The following C2CD4B variants were observed in gnomAD, a reference collection of about 807,000 sequenced individuals.
C2CD4B encodes the protein C2 calcium-dependent domain-containing protein 4B.
For missense variants in C2CD4B, 644 were observed against 577.7 expected (o/e 1.11, Z -1.18); for synonymous variants, 347 against 284.9 (o/e 1.22, Z -2.20).
chr15:62,163,774 T>A lies in C2CD4B; in HGVS notation c.*116A>T. 7.7e-7 allele frequency: 1 copy of A among 1,293,050 alleles called. No homozygotes were observed. Among genetic ancestry groups the A allele is most frequent in the Non-Finnish European group, 9.9e-7 (1 of 1,007,432 alleles). 80.1% of individuals were successfully genotyped at this position (1,293,050 alleles called of 1,614,324 possible). A position where few individuals can be genotyped will look rare whatever the true frequency, so the allele number is the denominator to read the frequency against. ...ATGACAAATGTGGATGGTGAGGAAGTAAAACGTCAATAAAGCAGTATCATA... is the reference window on the plus strand; with the variant it reads ...ATGACAAATGTGGATGGTGAGGAAGAAAAACGTCAATAAAGCAGTATCATA... On this transcript the variant is annotated 3_prime_UTR_variant, in exon 2 of 2. Coordinates refer to ENST00000380392, the MANE Select transcript of C2CD4B (RefSeq NM_001007595.3).
intron 1 of C2CD4B, 35 bp from the exon 2 acceptor site, chr15:62,165,059 TG>T: frequency 1.4e-6 from 2 of 1,429,598 alleles, no homozygotes; most frequent in Non-Finnish European, 1.8e-6. Context: ...TTTGGGCGCC[TG>T]GAGCTGCTGC....
Position 62,164,260 on chromosome 15 carries a change from G to A in C2CD4B, c.725C>T (p.Thr242Ile). The A allele has an allele frequency of 6.9e-7, 1 of 1,441,234 alleles. No homozygotes were observed. The highest frequency in any genetic ancestry group is 1.4e-5 in the South Asian group (1 of 71,910). The allele number at this position is 1,441,234 out of a possible 1,614,324, so 89.3% of individuals were successfully genotyped here. Reference sequence around the variant, plus strand: ...GTCGCCGGCGCGGCCCAGAGCCACGGTGCCCTTGGCCTCCAGGCGCTCAGG... The same window carrying A: ...GTCGCCGGCGCGGCCCAGAGCCACGATGCCCTTGGCCTCCAGGCGCTCAGG... ...PLPERLEAKG[T>I]VALGRAGDAL... Residue 242 changes from threonine to isoleucine, a missense_variant, in exon 2 of 2, where the codon ACC (threonine) becomes ATC (isoleucine). Physicochemically the swap from Thr to Ile is moderately conservative, Grantham distance 89. Transcript: ENST00000380392.
rs1385339917 is a variant in C2CD4B, at chr15:62,164,538, C to T, written c.447G>A (p.Pro149=). 4.6e-5 allele frequency: 53 copies of T among 1,142,758 alleles called. No individual in the cohort carries two copies. Among genetic ancestry groups the T allele is most frequent in the Admixed American group, 9.7e-5 (2 of 20,570 alleles). The allele number at this position is 1,142,758 out of a possible 1,614,324, so 70.8% of individuals were successfully genotyped here. A position where few individuals can be genotyped will look rare whatever the true frequency, so the allele number is the denominator to read the frequency against. The change falls in exon 2 of 2, where the codon CCG becomes CCA. Residue 149 remains proline, a synonymous_variant. Transcript: ENST00000380392. Reference sequence around the variant, plus strand: ...CGGGGGCCGCGGGGGTGGCCGGGCCCGGACCTCGCGGGCCGCACAGGGTCC... The same window carrying T: ...CGGGGGCCGCGGGGGTGGCCGGGCCTGGACCTCGCGGGCCGCACAGGGTCC... ...PLGTLCGPRG[P]GPATPAAPGG...
In C2CD4B at chr15:62,164,852, G is replaced by T. The variant is rs780140786; in HGVS notation, c.133C>A (p.Leu45Ile). The change falls in exon 2 of 2, where the codon CTC becomes ATC. Residue 45 changes from leucine (L) to isoleucine (I), a missense_variant. By Grantham distance (5) the Leu-to-Ile change is conservative (BLOSUM62 2). Transcript: ENST00000380392. ...IPPRLPAPCT[L>I]ESPIRAAAVP... Reference sequence around the variant, plus strand: ...GCGGCGGCCCGGATTGGAGACTCGAGCGTGCAAGGGGCCGGCAGCCGCGGC... The same window carrying T: ...GCGGCGGCCCGGATTGGAGACTCGATCGTGCAAGGGGCCGGCAGCCGCGGC... 3.4e-5 allele frequency: 50 copies of T among 1,487,942 alleles called. No individual in the cohort carries two copies. The highest frequency in any genetic ancestry group is 4.3e-5 in the Non-Finnish European group (48 of 1,125,404). 92.2% of individuals were successfully genotyped at this position (1,487,942 alleles called of 1,614,324 possible). A position where few individuals can be genotyped will look rare whatever the true frequency, so the allele number is the denominator to read the frequency against.
chr15:62,164,930 G>T lies in C2CD4B; in HGVS notation c.55C>A (p.Pro19Thr). Residue 19 changes from proline (P) to threonine (T), a missense_variant, in exon 2 of 2, where the codon CCC becomes ACC. By Grantham distance (38) the Pro-to-Thr change is conservative. Coordinates refer to ENST00000380392, the MANE Select transcript of C2CD4B (RefSeq NM_001007595.3). ...SSAAGSSAPK[P>T]AFAKVLTPNR... The stretch of plus-strand genomic sequence containing the variant: ...GGCGTGAGCACTTTGGCGAAGGCGG[G>T]CTTCGGCGCGGAGCTGCCTGCGGCC... 1 of 1,536,122 alleles carries T rather than the reference G, an allele frequency of 6.5e-7. No homozygotes were observed.
rs929163771 is a variant in C2CD4B, at chr15:62,164,757, C to T, written c.228G>A (p.Thr76=). ...CTGCCTGCGAGCGCGGGTCCCAGTC[C>T]GTGCGGCCGGCGTCCTCGTCTGCCG... ...PRAADEDAGR[T]DWDPRSQAAL... Residue 76 remains threonine (T), a synonymous_variant, in exon 2 of 2, where the codon ACG becomes ACA. Coordinates refer to ENST00000380392, the MANE Select transcript of C2CD4B (RefSeq NM_001007595.3). The T allele has an allele frequency of 4.7e-6, 7 of 1,485,474 alleles. No homozygotes were observed. Among genetic ancestry groups the T allele is most frequent in the Non-Finnish European group, 6.2e-6 (7 of 1,128,170 alleles). 92.0% of individuals were successfully genotyped at this position (1,485,474 alleles called of 1,614,324 possible).
Position 62,164,477 on chromosome 15 carries a change from C to G in C2CD4B, c.508G>C (p.Gly170Arg), listed in dbSNP as rs951674313. The G allele has an allele frequency of 1.2e-4, 155 of 1,264,062 alleles. No individual in the cohort carries two copies. The highest frequency in any genetic ancestry group is 7.2e-4 in the African/African-American group (46 of 63,904). The allele number at this position is 1,264,062 out of a possible 1,614,324, so 78.3% of individuals were successfully genotyped here. The change falls in exon 2 of 2, where the codon GGG becomes CGG. Residue 170 changes from glycine (G) to arginine (R), a missense_variant. Transcript: ENST00000380392. The stretch of plus-strand genomic sequence containing the variant: ...CGCAGGAGGCGGCAGCGGCGGGGCC[C>G]CGCAGCGAGCGCGTCCTGGGGCAGG... ...PRLPQDALAA[G>R]PRRCRLLRVP... is the part of the protein sequence containing the mutation.
chr15:62,164,402 G>A lies in C2CD4B; in HGVS notation c.583C>T (p.Arg195Cys), dbSNP rs1424474962. The A allele has an allele frequency of 5.6e-6, 8 of 1,417,852 alleles. No homozygotes were observed. In the African/African-American group the frequency reaches 1.0e-4, roughly 19 times the overall value. 87.8% of individuals were successfully genotyped at this position (1,417,852 alleles called of 1,614,324 possible). A position where few individuals can be genotyped will look rare whatever the true frequency, so the allele number is the denominator to read the frequency against. Residue 195 changes from arginine to cysteine, a missense_variant, in exon 2 of 2, where the codon CGC becomes TGC. Arg to Cys is a radical substitution (Grantham distance 180). Transcript: ENST00000380392. ...SRALRAGRSR[R>C]LARVRSVSSG... Reference sequence around the variant, plus strand: ...GAGACGGAGCGGACGCGGGCCAGGCGGCGACTCCTTCCAGCCCGCAGCGCG... The same window carrying A: ...GAGACGGAGCGGACGCGGGCCAGGCAGCGACTCCTTCCAGCCCGCAGCGCG...
rs772289303 is a variant in C2CD4B, at chr15:62,164,440, C to T, written c.545G>A (p.Gly182Glu). 6.0e-6 allele frequency: 8 copies of T among 1,328,946 alleles called. No homozygotes were observed. In the South Asian group the frequency reaches 1.7e-4, roughly 28 times the overall value. The allele number at this position is 1,328,946 out of a possible 1,614,324, so 82.3% of individuals were successfully genotyped here. The change falls in exon 2 of 2, where the codon GGG becomes GAG. Residue 182 changes from glycine to glutamate, a missense_variant. By Grantham distance (98) the Gly-to-Glu change is moderately conservative (BLOSUM62 -2). Transcript: ENST00000380392. ...RRCRLLRVPDGLLSRALRAGR... is the reference protein window; with the variant it reads ...RRCRLLRVPDELLSRALRAGR... ...AGCCCGCAGCGCGCGACTCAGCAGC[C>T]CGTCGGGGACGCGCAGGAGGCGGCA...
Position 62,164,640 on chromosome 15 carries a change from G to A in C2CD4B, c.345C>T (p.Leu115=). The A allele has an allele frequency of 7.1e-7, 1 of 1,410,060 alleles. No individual in the cohort carries two copies. Among genetic ancestry groups the A allele is most frequent in the Non-Finnish European group, 9.2e-7 (1 of 1,083,580 alleles). 87.3% of individuals were successfully genotyped at this position (1,410,060 alleles called of 1,614,324 possible). ...ESPHTRRKES[L]LLGGPPAPRP... The stretch of plus-strand genomic sequence containing the variant: ...GGGGCGCGGGCGGGCCCCCGAGCAG[G>A]AGCGACTCCTTGCGGCGCGTGTGCG... The change falls in exon 2 of 2, where the codon CTC becomes CTT. Residue 115 remains leucine (L), a synonymous_variant. Coordinates refer to ENST00000380392, the MANE Select transcript of C2CD4B (RefSeq NM_001007595.3).
chr15:62,163,593 G>A lies in C2CD4B; in HGVS notation c.*297C>T, dbSNP rs973859161. 3 of 357,352 alleles carry A rather than the reference G, an allele frequency of 8.4e-6. No individual in the cohort carries two copies. Among genetic ancestry groups the A allele is most frequent in the Admixed American group, 4.7e-5 (1 of 21,430 alleles). 22.1% of individuals were successfully genotyped at this position (357,352 alleles called of 1,614,324 possible). On this transcript the variant is annotated 3_prime_UTR_variant, in exon 2 of 2. Coordinates refer to ENST00000380392, the MANE Select transcript of C2CD4B (RefSeq NM_001007595.3). ...CTGTAACATTGATAGAAAACCGGAA[G>A]GAATTAAAAACAATGCAGATGGGTG...
rs1163437321 is a variant in C2CD4B, at chr15:62,163,917, C to G, written c.1068G>C (p.Leu356=). ...AGAGCAGCAGGAGGGCGCCCAGGGA[C>G]AGCTCACCCTGGCCCAGCAGGCGGC... ...DRGRLLGQGE[L]SLGALLLL Residue 356 remains leucine (L), a synonymous_variant, in exon 2 of 2, where the codon CTG becomes CTC. Coordinates refer to ENST00000380392, the MANE Select transcript of C2CD4B (RefSeq NM_001007595.3). 15 of 1,538,220 alleles carry G rather than the reference C, an allele frequency of 9.8e-6. No homozygotes were observed. The highest frequency in any genetic ancestry group is 1.3e-5 in the Non-Finnish European group (15 of 1,147,294).
Position 62,165,030 on chromosome 15 carries a change from G to A in C2CD4B, c.-40-6C>T, listed in dbSNP as rs1168137133. On this transcript the variant is annotated splice_region_variant and splice_polypyrimidine_tract_variant and intron_variant, in intron 1 of 1. Transcript: ENST00000380392. Reference sequence around the variant, plus strand: ...AGTGGCGGGAAGAGGTGCGCCTGCGGGGGAGAGAAGCTGCTGAGTTTGGGC... The same window carrying A: ...AGTGGCGGGAAGAGGTGCGCCTGCGAGGGAGAGAAGCTGCTGAGTTTGGGC... 6 of 1,464,844 alleles carry A rather than the reference G, an allele frequency of 4.1e-6. No individual in the cohort carries two copies. In the South Asian group the frequency reaches 5.4e-5, roughly 13 times the overall value. 90.7% of individuals were successfully genotyped at this position (1,464,844 alleles called of 1,614,324 possible). A position where few individuals can be genotyped will look rare whatever the true frequency, so the allele number is the denominator to read the frequency against.
rs1168137133 is a variant in C2CD4B at position 62,165,030 on chromosome 15, G to C, written c.-40-6C>G. ...AGTGGCGGGAAGAGGTGCGCCTGCGGGGGAGAGAAGCTGCTGAGTTTGGGC... is the reference window on the plus strand; with the variant it reads ...AGTGGCGGGAAGAGGTGCGCCTGCGCGGGAGAGAAGCTGCTGAGTTTGGGC... On this transcript the variant is annotated splice_region_variant and splice_polypyrimidine_tract_variant and intron_variant, in intron 1 of 1. Transcript: ENST00000380392. 1.4e-6 allele frequency: 2 copies of C among 1,464,844 alleles called. No individual in the cohort carries two copies. Among genetic ancestry groups the C allele is most frequent in the Non-Finnish European group, 1.8e-6 (2 of 1,111,912 alleles). 90.7% of individuals were successfully genotyped at this position (1,464,844 alleles called of 1,614,324 possible).
In C2CD4B at chr15:62,164,895, G is replaced by A; in HGVS notation, c.90C>T (p.Ile30=). ...GCCGCGGCGGGATGCAGAATTCGGG[G>A]ATGCGATTCGGCGTGAGCACTTTGG... ...AFAKVLTPNR[I]PEFCIPPRLP... Residue 30 remains isoleucine, a synonymous_variant, in exon 2 of 2, where the codon ATC becomes ATT. Coordinates refer to ENST00000380392, the MANE Select transcript of C2CD4B (RefSeq NM_001007595.3). 1 of 1,529,810 alleles carries A rather than the reference G, an allele frequency of 6.5e-7. No individual in the cohort carries two copies. Among genetic ancestry groups the A allele is most frequent in the Non-Finnish European group, 8.8e-7 (1 of 1,142,658 alleles). The allele number at this position is 1,529,810 out of a possible 1,614,324, so 94.8% of individuals were successfully genotyped here. A position where few individuals can be genotyped will look rare whatever the true frequency, so the allele number is the denominator to read the frequency against.
At position 62,164,761 on chromosome 15, in the gene C2CD4B, C is replaced by T. The variant is rs1259603687; in HGVS notation, c.224G>A (p.Arg75His). The stretch of plus-strand genomic sequence containing the variant: ...CTGCGAGCGCGGGTCCCAGTCCGTG[C>T]GGCCGGCGTCCTCGTCTGCCGCGCG... Reference protein sequence around the residue: ...WPRAADEDAGRTDWDPRSQAA... With the variant: ...WPRAADEDAGHTDWDPRSQAA... The change falls in exon 2 of 2, where the codon CGC (arginine) becomes CAC (histidine). Residue 75 changes from arginine to histidine, a missense_variant. Transcript: ENST00000380392. 5 of 1,483,700 alleles carry T rather than the reference C, an allele frequency of 3.4e-6. No homozygotes were observed. In the African/African-American group the frequency reaches 7.3e-5, roughly 22 times the overall value. 91.9% of individuals were successfully genotyped at this position (1,483,700 alleles called of 1,614,324 possible).
rs747939201 is a variant in C2CD4B, at chr15:62,164,933, T to G, written c.52A>C (p.Lys18Gln). ...GTGAGCACTTTGGCGAAGGCGGGCT[T>G]CGGCGCGGAGCTGCCTGCGGCCGAG... ...CSSAAGSSAP[K>Q]PAFAKVLTPN... The change falls in exon 2 of 2, where the codon AAG becomes CAG. Residue 18 changes from lysine (K) to glutamine (Q), a missense_variant. Lys to Gln is a moderately conservative substitution (Grantham distance 53). Coordinates refer to ENST00000380392, the MANE Select transcript of C2CD4B (RefSeq NM_001007595.3). The G allele has an allele frequency of 1.3e-6, 2 of 1,535,980 alleles. No homozygotes were observed. Among genetic ancestry groups the G allele is most frequent in the South Asian group, 2.4e-5 (2 of 83,790 alleles).
Position 62,163,861 on chromosome 15 carries a change from G to A in C2CD4B, c.*29C>T. The A allele has an allele frequency of 1.4e-6, 2 of 1,458,796 alleles. No individual in the cohort carries two copies. Among genetic ancestry groups the A allele is most frequent in the East Asian group, 2.7e-5 (1 of 37,706 alleles). The allele number at this position is 1,458,796 out of a possible 1,614,324, so 90.4% of individuals were successfully genotyped here. A position where few individuals can be genotyped will look rare whatever the true frequency, so the allele number is the denominator to read the frequency against. On this transcript the variant is annotated 3_prime_UTR_variant, in exon 2 of 2. Transcript: ENST00000380392. ...GGCTGTCAGTGTCCGGAGTCTCCAG[G>A]GCAGAGCGCCCCGGGGAGGGCTGGG...
Position 62,163,949 on chromosome 15 carries a change from C to T in C2CD4B, c.1036G>A (p.Asp346Asn), listed in dbSNP as rs1270622983. 6.3e-7 allele frequency: 1 copy of T among 1,578,692 alleles called. No individual in the cohort carries two copies. Among genetic ancestry groups the T allele is most frequent in the Non-Finnish European group, 8.6e-7 (1 of 1,166,448 alleles). Residue 346 changes from aspartate to asparagine, a missense_variant, in exon 2 of 2, where the codon GAT (aspartate) becomes AAT (asparagine). Transcript: ENST00000380392. ...CCCTGGCCCAGCAGGCGGCCCCGAT[C>T]CCGGCCGCGACCCTCATCCCGGGCC... ...VKARDEGRGR[D>N]RGRLLGQGEL...
Sources: gnomAD v4.1 joint callset for allele counts on GRCh38, gnomAD v4.1.1 for gene constraint, MANE v1.5 for transcripts, NCBI Gene and HGNC (gene_info 2026-07-23, HGNC 2026-07-21) for gene names.